The following TPD52L1 variants were observed in gnomAD, a reference collection of about 807,000 sequenced individuals.
TPD52L1 encodes the protein tumor protein D53.
In TPD52L1, 18 loss-of-function variants were observed where a neutral mutation model predicts 28.7. The observed-to-expected ratio is 0.63, with a 90% confidence interval of 0.43 to 0.93. The LOEUF is 0.93. TPD52L1 is among the 40% of genes least tolerant of loss of function. The pLI is 0.00. For missense variants in TPD52L1, 203 were observed against 254.8 expected, an observed-to-expected ratio of 0.80 and a Z score of 1.39; for synonymous variants, 75 against 88.8, an observed-to-expected ratio of 0.84 and a Z score of 0.88.
chr6:125,221,708 A>G (rs902850390), intron 2 of TPD52L1: 1 of 152,192 alleles, frequency 6.6e-6, no homozygotes, highest in Admixed American at 6.5e-5. Context: ...CATGAATATG[A>G]AAAAATAGAA....
At chr6:125,195,648 C>A (rs1793380420) in intron 1 of TPD52L1, among the ~76,000 whole-genome samples, 1 of 152,136 alleles carries the variant, frequency 6.6e-6, no homozygotes, top group Admixed American at 6.6e-5. Flanking sequence ...TCTTTTTGAT[C>A]CTTTGAGGTA....
rs188833981 is a variant in TPD52L1, at chr6:125,194,272, A to G, written c.20-25806A>G. On this transcript the variant is annotated intron_variant, in intron 1 of 6. Coordinates refer to ENST00000534000, the MANE Select transcript of TPD52L1 (RefSeq NM_003287.4). ...GATCCAGAAGAACCATTAACTCACCATTAACTCTACAGTCTCAGCATTACT... is the reference window on the plus strand; with the variant it reads ...GATCCAGAAGAACCATTAACTCACCGTTAACTCTACAGTCTCAGCATTACT... Among the ~76,000 whole-genome samples, 11 of 152,328 alleles carry G rather than the reference A, an allele frequency of 7.2e-5. No homozygotes were observed. In the South Asian group the frequency reaches 2.3e-3, roughly 32 times the overall value.
chr6:125,174,008 C>T (rs1295854039), intron 1 of TPD52L1, among the ~76,000 whole-genome samples: 4 of 152,126 alleles, frequency 2.6e-5, no homozygotes, highest in Admixed American at 2.6e-4. Flanking sequence ...CCAGTGCAGT[C>T]CCTTATTAGC....
rs529143795 is a variant in TPD52L1, at chr6:125,203,689, A to G, written c.20-16389A>G. ...GACCTCAGGTCAGGAATAAAAGCTT[A>G]GGGCTGAGCAGCTCACTCTTTGGTT... On this transcript the variant is annotated intron_variant, in intron 1 of 6. Coordinates refer to ENST00000534000, the MANE Select transcript of TPD52L1 (RefSeq NM_003287.4). 237 of 985,462 alleles carry G rather than the reference A, an allele frequency of 2.4e-4. No individual in the cohort carries two copies. The African/African-American group carries it at 3.1e-3, about 13-fold the overall frequency. 61.0% of individuals were successfully genotyped at this position (985,462 alleles called of 1,614,324 possible).
rs114800072 is a variant in TPD52L1 at position 125,159,158 on chromosome 6, T to C, written c.19+5188T>C. On this transcript the variant is annotated intron_variant, in intron 1 of 6. Transcript: ENST00000534000. ...ACTATTCCTTTCAAGAAGATTTATA[T>C]ATAGCCTGTAATGCTGTTTGGTAGC... Among the ~76,000 whole-genome samples, 1,375 of 152,342 alleles carry C rather than the reference T, an allele frequency of 9.0e-3. 20 individuals carry two copies. The highest frequency in any genetic ancestry group is 0.031 in the African/African-American group (1,272 of 41,572).
chr6:125,225,654 T>C (rs1447172155), intron 2 of TPD52L1, among the ~76,000 whole-genome samples: 1 of 152,140 alleles, frequency 6.6e-6, no homozygotes, highest in Non-Finnish European at 1.5e-5. Context: ...GCAGAAATAA[T>C]TAAAATTAAA....
At chr6:125,205,219 G>A (rs1249426669) in intron 1 of TPD52L1, among the ~76,000 whole-genome samples, 1 of 152,180 alleles carries the variant, frequency 6.6e-6, no homozygotes, top group Non-Finnish European at 1.5e-5. Flanking sequence ...GAAAACACAG[G>A]TGAAGCCTTG....
chr6:125,229,749 C>T (rs1346586355), intron 3 of TPD52L1, among the ~76,000 whole-genome samples: 1 of 152,168 alleles, frequency 6.6e-6, no homozygotes, highest in Non-Finnish European at 1.5e-5. Flanking sequence ...TTGCACTTTT[C>T]ATTCTCACTA....
chr6:125,233,950 C>T (rs1312568779), intron 3 of TPD52L1, among the ~76,000 whole-genome samples: 1 of 152,264 alleles, frequency 6.6e-6, no homozygotes, highest in South Asian at 2.1e-4. Flanking sequence ...CCCCTGTTGG[C>T]GTGCTGGTCA....
At chr6:125,214,269 G>A (rs183708584) in intron 1 of TPD52L1, among the ~76,000 whole-genome samples, 1 of 152,294 alleles carries the variant, frequency 6.6e-6, no homozygotes, top group African/African-American at 2.4e-5. Context: ...GAGGAGGGTA[G>A]AGAGTGGGTC....
rs142447813 is a variant in TPD52L1, at chr6:125,245,705, G to A, written c.285-2577G>A. On this transcript the variant is annotated intron_variant, in intron 3 of 6. Coordinates refer to ENST00000534000, the MANE Select transcript of TPD52L1 (RefSeq NM_003287.4). ...TCAAGGAAGTGGGGGATACCTGGTA[G>A]CAAAAGGCCCCACCCAGCTCCCACG... 4.2e-3 allele frequency among the ~76,000 whole-genome samples: 645 copies of A among 152,258 alleles called. 4 individuals carry two copies. The highest frequency in any genetic ancestry group is 0.015 in the African/African-American group (621 of 41,554).
intron 2 of TPD52L1, chr6:125,221,745 T>C (rs1795246672): frequency 6.6e-6 from 1 of 152,242 alleles, no homozygotes; most frequent in East Asian, 1.9e-4. Flanking sequence ...CTGTCTCATT[T>C]GGCCACAGTA....
chr6:125,165,760 G>A (rs1790856796), intron 1 of TPD52L1, among the ~76,000 whole-genome samples: 1 of 152,096 alleles, frequency 6.6e-6, no homozygotes, highest in Non-Finnish European at 1.5e-5. Context: ...TCTTGTCAAG[G>A]ATCATGGAAG....
intron 3 of TPD52L1, among the ~76,000 whole-genome samples, chr6:125,230,372 C>T (rs1381808001): frequency 6.6e-6 from 1 of 152,034 alleles, no homozygotes; most frequent in Non-Finnish European, 1.5e-5. Flanking sequence ...GAGGCTTTAT[C>T]CCTAGCCGTA....
intron 2 of TPD52L1, among the ~76,000 whole-genome samples, chr6:125,224,324 T>C (rs1795453799): frequency 6.6e-6 from 1 of 152,196 alleles, no homozygotes; most frequent in African/African-American, 2.4e-5. Flanking sequence ...GACAGCATTA[T>C]CAAGTAAGTA....
At chr6:125,241,551 G>T (rs1796611607) in intron 3 of TPD52L1, among the ~76,000 whole-genome samples, 1 of 151,824 alleles carries the variant, frequency 6.6e-6, no homozygotes, top group Non-Finnish European at 1.5e-5. Flanking sequence ...ATCTAGGAGG[G>T]TTGTATTGAT....
At chr6:125,172,533 T>TA (rs1308670712) in intron 1 of TPD52L1, among the ~76,000 whole-genome samples, 1 of 90,958 alleles carries the variant, frequency 1.1e-5, no homozygotes, top group African/African-American at 5.1e-5. Context: ...TATATATATA[T>TA]ATATATATAT....
At chr6:125,165,569 C>T (rs1426750294) in intron 1 of TPD52L1, among the ~76,000 whole-genome samples, 1 of 152,122 alleles carries the variant, frequency 6.6e-6, no homozygotes, top group Non-Finnish European at 1.5e-5. Context: ...GATCATGTAC[C>T]ACACATGAAA....
At chr6:125,163,480 G>A (rs1790657888) in intron 1 of TPD52L1, among the ~76,000 whole-genome samples, 1 of 151,890 alleles carries the variant, frequency 6.6e-6, no homozygotes. Context: ...TACTTGGGAG[G>A]CTGAGGTGGG....
Sources: gnomAD v4.1 joint callset for allele counts (sites outside exome capture counted in the v4.1 genomes callset) on GRCh38, gnomAD v4.1.1 for gene constraint, MANE v1.5 for transcripts, NCBI Gene and HGNC (gene_info 2026-07-23, HGNC 2026-07-21) for gene names.